CSMD1: variants seen among roughly 807,000 people sequenced by gnomAD.
The protein encoded by CSMD1 is CUB and Sushi multiple domains 1.
CSMD1 carries 213 observed loss-of-function variants against 417.5 expected under a neutral mutation model. That is an observed-to-expected ratio of 0.51 (90% CI 0.46 to 0.57). The LOEUF (loss-of-function observed/expected upper bound fraction) is 0.57, where lower values mean the gene tolerates loss of function less well. Among genes scored for constraint, CSMD1 ranks in the 20% least tolerant of loss-of-function variants. The pLI is 0.00. For missense variants in CSMD1, 6,923 were observed against 4,529.7 expected, an observed-to-expected ratio of 1.53 and a Z score of -15.17; for synonymous variants, 2,862 against 1,736.8, an observed-to-expected ratio of 1.65 and a Z score of -16.11.
chr8:3,608,493 G>A (rs1289228690), intron 8 of CSMD1, among the ~76,000 whole-genome samples: 1 of 152,132 alleles, frequency 6.6e-6, no homozygotes, highest in Non-Finnish European at 1.5e-5. Context: ...GCTGGGCGCT[G>A]TGGCTCACGC....
At chr8:3,799,121 T>C (rs1800320864) in intron 5 of CSMD1, among the ~76,000 whole-genome samples, 1 of 152,110 alleles carries the variant, frequency 6.6e-6, no homozygotes, top group African/African-American at 2.4e-5. Context: ...TGCTACATAG[T>C]TTAATAGTTT....
At chr8:4,464,728 T>A (rs1433634499) in intron 2 of CSMD1, among the ~76,000 whole-genome samples, 2 of 152,134 alleles carry the variant, frequency 1.3e-5, no homozygotes, top group Non-Finnish European at 2.9e-5. Context: ...CTACACTGAT[T>A]GGATCATCAG....
chr8:4,101,845 A>G (rs753343598), intron 3 of CSMD1, among the ~76,000 whole-genome samples: 3 of 152,184 alleles, frequency 2.0e-5, no homozygotes, highest in Non-Finnish European at 4.4e-5. Flanking sequence ...TCTGAATTGA[A>G]TCTGAAAATT....
chr8:4,709,245 G>C (rs1340144897), intron 1 of CSMD1, among the ~76,000 whole-genome samples: 5 of 152,192 alleles, frequency 3.3e-5, no homozygotes, highest in African/African-American at 4.8e-5. Flanking sequence ...TTGTAGACTG[G>C]TGTGGGGAGT....
At chr8:4,007,650 C>A (rs182055891) in intron 4 of CSMD1, among the ~76,000 whole-genome samples, 1 of 152,062 alleles carries the variant, frequency 6.6e-6, no homozygotes, top group Admixed American at 6.5e-5. Context: ...TCCTAGGAGG[C>A]GGCCTGATAG....
intron 2 of CSMD1, among the ~76,000 whole-genome samples, chr8:4,549,917 A>G (rs893572055): frequency 2.1e-4 from 31 of 144,332 alleles, no homozygotes; most frequent in African/African-American, 7.5e-4. Context: ...AAAAAAAAAA[A>G]AAAGAAAAGA....
chr8:4,409,899 C>T lies in CSMD1; in HGVS notation c.415+10054G>A, dbSNP rs148574739. Among the ~76,000 whole-genome samples, 1,376 of 152,052 alleles carry T rather than the reference C, an allele frequency of 9.0e-3. 11 individuals carry two copies. Among genetic ancestry groups the T allele is most frequent in the Middle Eastern group, 0.048 (14 of 294 alleles). On this transcript the variant is annotated intron_variant, in intron 3 of 69. Transcript: ENST00000635120. ...TGCAATCTTGGCTCACTGCAACCTC[C>T]GCCTCCTGGGTTCAAATGATTCTCC...
intron 12 of CSMD1, among the ~76,000 whole-genome samples, chr8:3,464,496 C>A (rs1442474938): frequency 4.6e-5 from 7 of 151,138 alleles, no homozygotes; most frequent in African/African-American, 7.3e-5. Context: ...AAACTATGCC[C>A]CGGACTCACA....
chr8:4,824,803 G>T (rs548831780), intron 1 of CSMD1, among the ~76,000 whole-genome samples: 3 of 152,258 alleles, frequency 2.0e-5, no homozygotes, highest in African/African-American at 7.2e-5. Flanking sequence ...AATGTACTCG[G>T]AGGAAATGAC....
intron 1 of CSMD1, among the ~76,000 whole-genome samples, chr8:4,679,059 C>A (rs1054805238): frequency 6.6e-6 from 1 of 152,174 alleles, no homozygotes; most frequent in South Asian, 2.1e-4. Context: ...CAGTGAGGTT[C>A]GTGACTCTAT....
intron 5 of CSMD1, among the ~76,000 whole-genome samples, chr8:3,860,223 G>C (rs886494624): frequency 6.6e-6 from 1 of 152,120 alleles, no homozygotes. Context: ...ACCAGGTCGT[G>C]TTCTCCAACT....
chr8:3,684,589 A>T (rs1367088075), intron 7 of CSMD1, among the ~76,000 whole-genome samples: 1 of 143,316 alleles, frequency 7.0e-6, no homozygotes, highest in Non-Finnish European at 1.5e-5. Flanking sequence ...GCAGATACTG[A>T]TACAGTCTTT....
intron 49 of CSMD1, among the ~76,000 whole-genome samples, chr8:3,066,161 C>T (rs1292226058): frequency 6.6e-6 from 1 of 152,156 alleles, no homozygotes; most frequent in Non-Finnish European, 1.5e-5. Context: ...GCTGCTGGTT[C>T]TAGCATCGTG....
At chr8:4,306,505 ACC>A (rs1798257109) in intron 3 of CSMD1, among the ~76,000 whole-genome samples, 3 of 152,126 alleles carry the variant, frequency 2.0e-5, no homozygotes, top group African/African-American at 4.8e-5. Flanking sequence ...CATTTCTAGA[ACC>A]ACTGATATCC....
chr8:4,119,306 C>CA (rs1314809383), intron 3 of CSMD1, among the ~76,000 whole-genome samples: 2 of 152,068 alleles, frequency 1.3e-5, no homozygotes, highest in Non-Finnish European at 2.9e-5. Flanking sequence ...TAAATGTCAA[C>CA]AGGCAAATTA....
At chr8:3,768,505 A>G (rs1031640088) in intron 5 of CSMD1, among the ~76,000 whole-genome samples, 61 of 152,368 alleles carry the variant, frequency 4.0e-4, no homozygotes, top group African/African-American at 1.4e-3. Flanking sequence ...ATAAACAAGA[A>G]TATAAAATAG....
At chr8:3,960,166 T>C (rs1323792169) in intron 5 of CSMD1, among the ~76,000 whole-genome samples, 1 of 152,190 alleles carries the variant, frequency 6.6e-6, no homozygotes, top group East Asian at 1.9e-4. Context: ...GCGTATCTTC[T>C]TGTATGTTGC....
intron 1 of CSMD1, among the ~76,000 whole-genome samples, chr8:4,834,647 A>C (rs1040593030): frequency 2.6e-5 from 4 of 152,008 alleles, no homozygotes; most frequent in African/African-American, 9.7e-5. Context: ...CTAGTGAAAA[A>C]GAAGAATGAA....
chr8:3,173,960 G>C (rs143287188), intron 37 of CSMD1, among the ~76,000 whole-genome samples: 1 of 152,124 alleles, frequency 6.6e-6, no homozygotes, highest in Non-Finnish European at 1.5e-5. Context: ...AAGGACATAA[G>C]GCATTTTCCA....
Sources: allele counts gnomAD v4.1 joint callset (sites outside exome capture counted in the v4.1 genomes callset), GRCh38; gene constraint gnomAD v4.1.1; transcripts MANE v1.5; gene names NCBI Gene and HGNC (gene_info 2026-07-23, HGNC 2026-07-21).